Variants in GABRG3 observed in about 807,000 individuals in gnomAD.
GABRG3 encodes gamma-aminobutyric acid receptor subunit gamma-3.
A neutral mutation model predicts 48.8 loss-of-function variants in GABRG3; 25 were observed. The ratio of observed to expected loss-of-function variants is 0.51; its 90% CI spans 0.37 to 0.72. GABRG3 has a LOEUF of 0.72. GABRG3 is among the 30% of genes least tolerant of loss of function. GABRG3 has a pLI of 0.00. For synonymous variants in GABRG3, 227 were observed against 217.6 expected (o/e 1.04, Z -0.38); for missense variants, 394 against 577.9 (o/e 0.68, Z 3.26).
chr15:27,138,762 G>A (rs1898052368), intron 3 of GABRG3, among the ~76,000 whole-genome samples: 1 of 152,114 alleles, frequency 6.6e-6, no homozygotes. Flanking sequence ...TTGTCTTTTG[G>A]TTTTGCCTGT....
At chr15:27,464,282 T>C (rs574380942) in intron 5 of GABRG3, among the ~76,000 whole-genome samples, 1 of 152,220 alleles carries the variant, frequency 6.6e-6, no homozygotes, top group East Asian at 1.9e-4. Context: ...TTCCTCCCAG[T>C]CCCAGGCAAC....
At chr15:27,018,400 A>G (rs1163391776) in intron 2 of GABRG3, among the ~76,000 whole-genome samples, 2 of 152,176 alleles carry the variant, frequency 1.3e-5, no homozygotes, top group Non-Finnish European at 2.9e-5. Flanking sequence ...AGGAATTCTC[A>G]AGGTCTTTTA....
intron 3 of GABRG3, among the ~76,000 whole-genome samples, chr15:27,248,293 G>A (rs1890328594): frequency 6.6e-6 from 1 of 152,152 alleles, no homozygotes; most frequent in Admixed American, 6.5e-5. Flanking sequence ...CCTGGAAGGG[G>A]CTTCTCTGAT....
In GABRG3 at chr15:27,236,960, T is replaced by C. The variant is rs1009146081; in HGVS notation, c.271-89849T>C. On this transcript the variant is annotated intron_variant, in intron 3 of 9. Transcript: ENST00000615808. This position sits in a 1 kb window ranked among gnomAD's most constrained non-coding sequence, Gnocchi z 4.4. ...ACTTGCTCTGGGCTTGTGCTGGAGG[T>C]TATGCTTCCCAGCCTGCAGGACGGC... Among the ~76,000 whole-genome samples the C allele has an allele frequency of 6.6e-6, 1 of 152,214 alleles. No homozygotes were observed. The highest frequency in any genetic ancestry group is 6.5e-5 in the Admixed American group (1 of 15,280).
In GABRG3 at chr15:27,190,987, G is replaced by A. The variant is rs113803147; in HGVS notation, c.271-135822G>A. On this transcript the variant is annotated intron_variant, in intron 3 of 9. Coordinates refer to ENST00000615808, the MANE Select transcript of GABRG3 (RefSeq NM_033223.5). Reference sequence around the variant, plus strand: ...CTGCCTTCATTTCGTTATGTACCCAGTAGTCATTTCAGGAGCAGGTTGTTC... The same window carrying A: ...CTGCCTTCATTTCGTTATGTACCCAATAGTCATTTCAGGAGCAGGTTGTTC... Among the ~76,000 whole-genome samples, 176 of 152,268 alleles carry A rather than the reference G, an allele frequency of 1.2e-3. 2 individuals are homozygous for A. The highest frequency in any genetic ancestry group is 3.8e-3 in the African/African-American group (156 of 41,544).
rs897092848 is a variant in GABRG3, at chr15:27,540,689, G to T, written c.*7808G>T. The T allele has an allele frequency of 6.6e-6, 1 of 152,098 alleles. No individual in the cohort carries two copies. 9.4% of individuals were successfully genotyped at this position (152,098 alleles called of 1,614,324 possible). On this transcript the variant is annotated 3_prime_UTR_variant, in exon 10 of 10. Coordinates refer to ENST00000615808, the MANE Select transcript of GABRG3 (RefSeq NM_033223.5). ...AACTACACAATGTGTTTTCCTTTAC[G>T]TGCAGCTCCGGTACTGAGCAAAAGG...
chr15:27,063,116 T>G (rs1896679313), intron 3 of GABRG3, among the ~76,000 whole-genome samples: 1 of 152,232 alleles, frequency 6.6e-6, no homozygotes, highest in Admixed American at 6.5e-5. Flanking sequence ...AATTACTCCC[T>G]TGCCTAAGCC....
At chr15:27,472,576 A>G (rs1889818673) in intron 5 of GABRG3, among the ~76,000 whole-genome samples, 1 of 152,252 alleles carries the variant, frequency 6.6e-6, no homozygotes, top group African/African-American at 2.4e-5. Context: ...GCTCCTGGCA[A>G]CATATGTTGC....
chr15:27,468,266 A>T (rs1889678157), intron 5 of GABRG3, among the ~76,000 whole-genome samples: 1 of 152,236 alleles, frequency 6.6e-6, no homozygotes, highest in Non-Finnish European at 1.5e-5. Context: ...AGAGAGAGTC[A>T]TGCCATGGGA....
intron 3 of GABRG3, among the ~76,000 whole-genome samples, chr15:27,219,338 G>A (rs530896929): frequency 1.3e-5 from 2 of 152,326 alleles, no homozygotes; most frequent in South Asian, 4.1e-4. Flanking sequence ...GGTAGGCAGA[G>A]TCCAATTTGG....
chr15:27,332,420 G>C (rs1433624603), intron 5 of GABRG3, among the ~76,000 whole-genome samples: 3 of 152,252 alleles, frequency 2.0e-5, no homozygotes, highest in South Asian at 4.1e-4. Context: ...AAGAATCCCA[G>C]CTACTTGGGA....
chr15:27,022,821 G>T (rs1256863340), intron 2 of GABRG3, among the ~76,000 whole-genome samples: 1 of 152,074 alleles, frequency 6.6e-6, no homozygotes, highest in African/African-American at 2.4e-5. Flanking sequence ...CTCCTCACTG[G>T]CTTCTTCCAG....
intron 3 of GABRG3, among the ~76,000 whole-genome samples, chr15:27,095,791 G>A (rs1566934200): frequency 6.6e-6 from 1 of 152,080 alleles, no homozygotes; most frequent in Non-Finnish European, 1.5e-5. Flanking sequence ...GGAAGCACGT[G>A]CCTTCCTCCT....
At chr15:27,307,688 TGTTTATATATTTATATATAAACCTATAG>T (rs1892680065) in intron 3 of GABRG3, among the ~76,000 whole-genome samples, 2 of 113,718 alleles carry the variant, frequency 1.8e-5, no homozygotes, top group East Asian at 2.9e-4. Context: ...CATAGGTTTA[TGTTTATATATTTATATATAAACCTATAG>T]GTTTATATAT....
At chr15:27,431,916 T>G (rs77999513) in intron 5 of GABRG3, among the ~76,000 whole-genome samples, 1 of 152,178 alleles carries the variant, frequency 6.6e-6, no homozygotes, top group South Asian at 2.1e-4. Context: ...TCTTTAGGAG[T>G]GTAGTATTTA....
intron 2 of GABRG3, among the ~76,000 whole-genome samples, chr15:26,989,795 G>C (rs1895215048): frequency 6.6e-6 from 1 of 151,736 alleles, no homozygotes; most frequent in Non-Finnish European, 1.5e-5. Context: ...ACCCTTCCCA[G>C]CCTCTGATAA....
At chr15:26,991,586 C>T (rs921436913) in intron 2 of GABRG3, among the ~76,000 whole-genome samples, 2 of 151,970 alleles carry the variant, frequency 1.3e-5, no homozygotes, top group Non-Finnish European at 2.9e-5. Flanking sequence ...TTTTTGATAT[C>T]CTCTTCAATT....
intron 5 of GABRG3, among the ~76,000 whole-genome samples, chr15:27,431,645 G>A (rs1888457210): frequency 6.6e-6 from 1 of 152,192 alleles, no homozygotes. Flanking sequence ...GCTGCTAGCT[G>A]TGAGGTTTTG....
At chr15:27,461,611 C>T (rs945304190) in intron 5 of GABRG3, among the ~76,000 whole-genome samples, 1 of 152,190 alleles carries the variant, frequency 6.6e-6, no homozygotes, top group African/African-American at 2.4e-5. Flanking sequence ...TATTTGGCCC[C>T]ACTCATATCC....
Sources: gnomAD v4.1 joint callset for allele counts (sites outside exome capture counted in the v4.1 genomes callset) on GRCh38, gnomAD v4.1.1 for gene constraint, Gnocchi (gnomAD v3.1) non-coding constraint, MANE v1.5 for transcripts, NCBI Gene and HGNC (gene_info 2026-07-23, HGNC 2026-07-21) for gene names.